Variants in INPP4B observed in about 807,000 individuals in gnomAD.
INPP4B encodes the protein inositol polyphosphate 4-phosphatase type II.
INPP4B carries 55 observed loss-of-function variants against 122.5 expected under a neutral mutation model. The observed-to-expected ratio is 0.45, with a 90% CI of 0.36 to 0.56. INPP4B has a LOEUF of 0.56. Among genes scored for constraint, INPP4B ranks in the 20% least tolerant of loss-of-function variants. The pLI is 0.00. For missense variants in INPP4B, 1,000 were observed against 1,097.7 expected (o/e 0.91, Z 1.26); for synonymous variants, 403 against 388.7 (o/e 1.04, Z -0.43).
At chr4:142,402,066 A>G (rs1028616630) in intron 7 of INPP4B, among the ~76,000 whole-genome samples, 5 of 152,278 alleles carry the variant, frequency 3.3e-5, no homozygotes, top group Middle Eastern at 6.8e-3. Context: ...TTCCCTATAC[A>G]AGGCACTGTG....
At chr4:142,609,838 A>G (rs1742092776) in intron 2 of INPP4B, among the ~76,000 whole-genome samples, 1 of 152,120 alleles carries the variant, frequency 6.6e-6, no homozygotes, top group South Asian at 2.1e-4. Context: ...TGTTCATAAC[A>G]CTCCCAGGCA....
intron 2 of INPP4B, among the ~76,000 whole-genome samples, chr4:142,495,555 A>G (rs1822438313): frequency 1.3e-5 from 2 of 152,042 alleles, no homozygotes; most frequent in Non-Finnish European, 2.9e-5. Context: ...GTCCTCTGGT[A>G]GCCACCTTCT....
chr4:142,429,191 G>A lies in INPP4B; in HGVS notation c.118C>T (p.Gln40Ter). The change falls in exon 5 of 26, where the codon CAG (glutamine) becomes TAG (stop). Residue 40 changes from glutamine to a stop codon, truncating the protein, a stop_gained. Coordinates refer to ENST00000262992, the MANE Select transcript of INPP4B (RefSeq NM_001101669.3). LOFTEE classifies it high-confidence loss of function. The part of the protein sequence containing the change: ...TSIQKTPNEP[Q>*]LEFILACKDL... ...TTCTTACCAAGGATGAATTCCAACT[G>A]CGGTTCATTTGGAGTCTTCTGGATA... The A allele has an allele frequency of 6.4e-7, 1 of 1,567,614 alleles. No homozygotes were observed. Among genetic ancestry groups the A allele is most frequent in the Non-Finnish European group, 8.7e-7 (1 of 1,143,156 alleles).
intron 2 of INPP4B, among the ~76,000 whole-genome samples, chr4:142,512,673 A>G (rs1382034425): frequency 6.6e-6 from 1 of 152,006 alleles, no homozygotes; most frequent in Admixed American, 6.6e-5. Context: ...AGTCGTCGTC[A>G]TCATCATCAT....
chr4:142,441,290 A>C (rs1811660951), intron 3 of INPP4B, among the ~76,000 whole-genome samples: 1 of 152,234 alleles, frequency 6.6e-6, no homozygotes, highest in South Asian at 2.1e-4. Context: ...GTATATGATT[A>C]GAGAACAGAA....
intron 23 of INPP4B, among the ~76,000 whole-genome samples, chr4:142,089,437 CCACACACACA>C (rs36203495): frequency 0.01 from 1,432 of 141,594 alleles, 28 homozygotes; most frequent in African/African-American, 0.035. Flanking sequence ...GATGTTCTCA[CCACACACACA>C]CACACACACA....
At chr4:142,484,448 T>A (rs1217302343) in intron 2 of INPP4B, among the ~76,000 whole-genome samples, 1 of 152,000 alleles carries the variant, frequency 6.6e-6, no homozygotes, top group African/African-American at 2.4e-5. Context: ...CCAGAAACCA[T>A]CCTGTAAGAC....
chr4:142,143,782 A>G (rs1030839523), intron 18 of INPP4B, among the ~76,000 whole-genome samples: 9 of 152,100 alleles, frequency 5.9e-5, no homozygotes, highest in African/African-American at 2.2e-4. Flanking sequence ...GCACTATGAT[A>G]GTACTTAAAA....
intron 25 of INPP4B, among the ~76,000 whole-genome samples, chr4:142,081,484 G>A (rs969799003): frequency 6.6e-6 from 1 of 152,096 alleles, no homozygotes; most frequent in Admixed American, 6.6e-5. Flanking sequence ...CTATTTTAAA[G>A]TATCAGTGTC....
chr4:142,180,087 C>G (rs1304823038), intron 15 of INPP4B, among the ~76,000 whole-genome samples: 2 of 152,086 alleles, frequency 1.3e-5, no homozygotes, highest in Admixed American at 6.6e-5. Context: ...TATAAAAGTT[C>G]CTTTGACTGC....
At chr4:142,505,228 G>T (rs1353697673) in intron 2 of INPP4B, among the ~76,000 whole-genome samples, 1 of 148,062 alleles carries the variant, frequency 6.8e-6, no homozygotes, top group African/African-American at 2.5e-5. Flanking sequence ...GACAGAGAGA[G>T]ACTCTGTCTA....
At chr4:142,530,850 G>A (rs114769526) in intron 2 of INPP4B, among the ~76,000 whole-genome samples, 144 of 152,086 alleles carry the variant, frequency 9.5e-4, no homozygotes, top group South Asian at 1.9e-3. Flanking sequence ...GGCCAGTGTG[G>A]GCTAGGGAGC....
intron 2 of INPP4B, among the ~76,000 whole-genome samples, chr4:142,584,613 A>G (rs973064475): frequency 6.6e-6 from 1 of 152,124 alleles, no homozygotes; most frequent in African/African-American, 2.4e-5. Context: ...TATCATTCTC[A>G]TCACATCATG....
intron 5 of INPP4B, among the ~76,000 whole-genome samples, chr4:142,414,260 T>A (rs1032226119): frequency 2.0e-5 from 3 of 152,124 alleles, no homozygotes; most frequent in Non-Finnish European, 4.4e-5. Context: ...ATTTTATGTG[T>A]CTGTGTGTGT....
intron 7 of INPP4B, among the ~76,000 whole-genome samples, chr4:142,343,869 T>C (rs1007940064): frequency 4.6e-5 from 7 of 152,108 alleles, no homozygotes; most frequent in Admixed American, 2.0e-4. Flanking sequence ...AGTGATAATA[T>C]ATGTGAAAGC....
At chr4:142,282,182 C>T (rs2150799002) in intron 9 of INPP4B, among the ~76,000 whole-genome samples, 1 of 152,134 alleles carries the variant, frequency 6.6e-6, no homozygotes, top group East Asian at 1.9e-4. Context: ...AATAAGATGA[C>T]ATTTGAACAC....
At chr4:142,707,924 AAATT>A (rs1295246741) in intron 2 of INPP4B, among the ~76,000 whole-genome samples, 2 of 152,196 alleles carry the variant, frequency 1.3e-5, no homozygotes, top group Non-Finnish European at 2.9e-5. Flanking sequence ...GAGACTTGTT[AAATT>A]ATTGTGGCCA....
chr4:142,601,068 G>A (rs768561679), intron 2 of INPP4B, among the ~76,000 whole-genome samples: 2 of 151,892 alleles, frequency 1.3e-5, no homozygotes, highest in African/African-American at 2.4e-5. Flanking sequence ...ACCAGATCTA[G>A]AGAGAGAGAG....
At chr4:142,648,618 G>A (rs1752306335) in intron 2 of INPP4B, among the ~76,000 whole-genome samples, 1 of 152,208 alleles carries the variant, frequency 6.6e-6, no homozygotes, top group African/African-American at 2.4e-5. Flanking sequence ...GGTTGGGGGA[G>A]GGGTGTCCGC....
Sources: gnomAD v4.1 joint callset for allele counts (sites outside exome capture counted in the v4.1 genomes callset) on GRCh38, gnomAD v4.1.1 for gene constraint, MANE v1.5 for transcripts, NCBI Gene and HGNC (gene_info 2026-07-23, HGNC 2026-07-21) for gene names.